Variants in PIGU observed in about 807,000 individuals in gnomAD.
PIGU encodes the protein GPI-anchor transamidase component PIGU.
In PIGU, 24 loss-of-function variants were observed where a neutral mutation model predicts 49.9. The ratio of observed to expected loss-of-function variants is 0.48; its 90% confidence interval spans 0.35 to 0.68. The LOEUF is 0.68. PIGU is among the 30% of genes least tolerant of loss of function. PIGU has a pLI of 0.01. For synonymous variants in PIGU, 220 were observed against 205.7 expected, an observed-to-expected ratio of 1.07 and a Z score of -0.59; for missense variants, 490 against 532.6, an observed-to-expected ratio of 0.92 and a Z score of 0.79.
chr20:34,654,450 T>C (rs1600663737), intron 2 of PIGU, among the ~76,000 whole-genome samples: 1 of 92,270 alleles, frequency 1.1e-5, no homozygotes, highest in Non-Finnish European at 2.2e-5. Context: ...GCCACTTCAC[T>C]CCACCTGGGC....
chr20:34,645,151 C>T, intron 3 of PIGU, 124 bp downstream of exon 3: 1 of 1,116,446 alleles, frequency 9.0e-7, no homozygotes, highest in Non-Finnish European at 1.2e-6. Context: ...TCCAGGAGTC[C>T]AAGACCAGCC....
At chr20:34,656,935 C>T (rs1023149440) in intron 2 of PIGU, among the ~76,000 whole-genome samples, 5 of 152,276 alleles carry the variant, frequency 3.3e-5, no homozygotes, top group East Asian at 1.9e-4. Context: ...ACTTATTTGC[C>T]TTTACAAATG....
intron 1 of PIGU, among the ~76,000 whole-genome samples, chr20:34,658,835 G>A (rs1306597702): frequency 2.0e-5 from 3 of 150,800 alleles, no homozygotes; most frequent in Non-Finnish European, 3.0e-5. Flanking sequence ...CCCTCCGCCC[G>A]GCAGCCACCC....
chr20:34,601,856 A>T (rs987507217), intron 7 of PIGU, among the ~76,000 whole-genome samples: 1 of 152,250 alleles, frequency 6.6e-6, no homozygotes, highest in Non-Finnish European at 1.5e-5. Flanking sequence ...CCCAAATAAA[A>T]CATTAGAGAT....
intron 10 of PIGU, among the ~76,000 whole-genome samples, chr20:34,580,484 T>A (rs562229404): frequency 6.6e-6 from 1 of 152,338 alleles, no homozygotes; most frequent in East Asian, 1.9e-4. Flanking sequence ...CAGTTTCACT[T>A]CCTGGTTGAC....
chr20:34,668,637 C>T (rs1029974868), intron 1 of PIGU, among the ~76,000 whole-genome samples: 3 of 150,268 alleles, frequency 2.0e-5, no homozygotes, highest in Non-Finnish European at 4.4e-5. Context: ...GGCGAGGTGG[C>T]GGGCACCTGT....
intron 2 of PIGU, among the ~76,000 whole-genome samples, chr20:34,649,349 G>A (rs947679294): frequency 1.3e-5 from 2 of 148,794 alleles, no homozygotes; most frequent in African/African-American, 5.0e-5. Context: ...CTCCACTGAT[G>A]TATAATTTGG....
intron 6 of PIGU, among the ~76,000 whole-genome samples, chr20:34,631,785 ATTTTTTTTTTTTTTTTTTTTTT>A (rs1166878990): frequency 3.1e-4 from 2 of 6,444 alleles, no homozygotes; most frequent in African/African-American, 1.3e-3. Context: ...ATATATATAT[ATTTTTTTTTTTTTTTTTTTTTT>A]TTTTTTTTTA....
At chr20:34,608,580 C>T (rs912941261) in intron 7 of PIGU, among the ~76,000 whole-genome samples, 21 of 152,012 alleles carry the variant, frequency 1.4e-4, no homozygotes, top group African/African-American at 5.1e-4. Context: ...TTACATACTA[C>T]ATTAGACAAC....
chr20:34,623,795 G>T (rs1048411699), intron 6 of PIGU, among the ~76,000 whole-genome samples: 1 of 152,164 alleles, frequency 6.6e-6, no homozygotes, highest in Non-Finnish European at 1.5e-5. Flanking sequence ...GGCTCTTGAG[G>T]CTGCATGATT....
chr20:34,589,883 C>CTGAGGTA (rs928471411), intron 7 of PIGU, among the ~76,000 whole-genome samples: 2 of 151,640 alleles, frequency 1.3e-5, no homozygotes, highest in Non-Finnish European at 2.9e-5. Context: ...CTCAAACTCC[C>CTGAGGTA]GACCTCAGGT....
rs924075095 is a variant in PIGU at position 34,560,667 on chromosome 20, G to C, written c.*199C>G. ...GCAGAGCCACAAGGTGGGGGTCCAA[G>C]TTGGGGAGCTCCCAGTTCTTCCCCA... On this transcript the variant is annotated 3_prime_UTR_variant, in exon 12 of 12. Transcript: ENST00000217446. The C allele has an allele frequency of 1.7e-5, 8 of 460,056 alleles. No individual in the cohort carries two copies. The East Asian group carries it at 2.8e-4, about 16-fold the overall frequency. The allele number at this position is 460,056 out of a possible 1,614,324, so 28.5% of individuals were successfully genotyped here.
At chr20:34,641,527 G>T (rs1245635531) in intron 4 of PIGU, among the ~76,000 whole-genome samples, 1 of 152,154 alleles carries the variant, frequency 6.6e-6, no homozygotes, top group Non-Finnish European at 1.5e-5. Context: ...TGTCAAGTGA[G>T]ATAGATGTAA....
chr20:34,564,783 A>G (rs1278545118), intron 11 of PIGU, among the ~76,000 whole-genome samples: 1 of 152,228 alleles, frequency 6.6e-6, no homozygotes, highest in Non-Finnish European at 1.5e-5. Context: ...GTGGGTATGT[A>G]TATGGGTGTC....
intron 7 of PIGU, among the ~76,000 whole-genome samples, chr20:34,603,651 G>T (rs1984510375): frequency 6.6e-6 from 1 of 152,136 alleles, no homozygotes; most frequent in Non-Finnish European, 1.5e-5. Context: ...GATGACTCCA[G>T]TAGACTTTGA....
At chr20:34,671,427 A>G (rs974434061) in intron 1 of PIGU, among the ~76,000 whole-genome samples, 1 of 151,740 alleles carries the variant, frequency 6.6e-6, no homozygotes, top group Non-Finnish European at 1.5e-5. Flanking sequence ...ACGTCCGGCT[A>G]ATTTTGTATT....
Position 34,634,746 on chromosome 20 carries a change from T to C in PIGU, c.429-31A>G, listed in dbSNP as rs141161016. ...GAAGAACAAACATATTTGGCATTAG[T>C]AATCCTGACCAAGGAGCCCTCGCCA... On this transcript the variant is annotated intron_variant, in intron 5 of 11. Transcript: ENST00000217446. The C allele has an allele frequency of 2.2e-3, 3,458 of 1,604,538 alleles. 8 individuals are homozygous for C. Among genetic ancestry groups the C allele is most frequent in the Non-Finnish European group, 2.4e-3 (2,825 of 1,173,808 alleles).
intron 2 of PIGU, among the ~76,000 whole-genome samples, chr20:34,654,772 C>A (rs1265714396): frequency 8.4e-6 from 1 of 119,122 alleles, no homozygotes; most frequent in Non-Finnish European, 1.8e-5. Flanking sequence ...TTTGGGAGGC[C>A]GAGGCAGGCG....
intron 6 of PIGU, among the ~76,000 whole-genome samples, chr20:34,626,996 T>A (rs1173062932): frequency 6.6e-6 from 1 of 152,156 alleles, no homozygotes; most frequent in Non-Finnish European, 1.5e-5. Context: ...GAACTAACTA[T>A]ATTATATATA....
Sources: gnomAD v4.1 joint callset for allele counts (sites outside exome capture counted in the v4.1 genomes callset) on GRCh38, gnomAD v4.1.1 for gene constraint, MANE v1.5 for transcripts, NCBI Gene and HGNC (gene_info 2026-07-23, HGNC 2026-07-21) for gene names.